Variants in TRPV3 observed in about 807,000 individuals in gnomAD.
The protein encoded by TRPV3 is transient receptor potential cation channel subfamily V member 3.
TRPV3 carries 88 observed loss-of-function variants against 87.1 expected under a neutral mutation model. The observed-to-expected ratio is 1.01, with a 90% CI of 0.85 to 1.21. The LOEUF is 1.21. Ranked by LOEUF, TRPV3 falls within the 50% of genes most tolerant of loss-of-function variation. TRPV3 has a pLI of 0.00. For synonymous variants in TRPV3, 438 were observed against 423.3 expected, an observed-to-expected ratio of 1.03 and a Z score of -0.43; for missense variants, 1,054 against 1,030.1, an observed-to-expected ratio of 1.02 and a Z score of -0.32.
intron 17 of TRPV3, 180 bp from the exon 18 acceptor site, chr17:3,514,191 G>A: frequency 3.7e-6 from 2 of 544,582 alleles, no homozygotes; most frequent in Non-Finnish European, 6.4e-6. Flanking sequence ...CAATTCTCCT[G>A]ACTCAGCCTC....
chr17:3,518,950 C>T lies in TRPV3; in HGVS notation c.1811-100G>A. ...TACATGACAAGCCTGCTGCCTCCTT[C>T]TCTCTGGCCATTAAATCCCATCTCC... On this transcript the variant is annotated intron_variant, in intron 14 of 17. Coordinates refer to ENST00000576742, the MANE Select transcript of TRPV3 (RefSeq NM_145068.4). This position sits in a 1 kb window ranked among gnomAD's most constrained non-coding sequence, Gnocchi z 4.3. 7.7e-7 allele frequency: 1 copy of T among 1,305,560 alleles called. No individual in the cohort carries two copies. Among genetic ancestry groups the T allele is most frequent in the South Asian group, 1.5e-5 (1 of 66,962 alleles). The allele number at this position is 1,305,560 out of a possible 1,614,324, so 80.9% of individuals were successfully genotyped here. A position where few individuals can be genotyped will look rare whatever the true frequency, so the allele number is the denominator to read the frequency against.
chr17:3,522,230 G>A lies in TRPV3; in HGVS notation c.1744-1191C>T, dbSNP rs140895134. Among the ~76,000 whole-genome samples, 326 of 152,224 alleles carry A rather than the reference G, an allele frequency of 2.1e-3. 1 individual carries two copies. The highest frequency in any genetic ancestry group is 0.014 in the Middle Eastern group (4 of 294). Reference sequence around the variant, plus strand: ...AGCCATATGGCAGGAATTCTAGAGCGATGTGGATCTGCATGTTTCTCCCTA... The same window carrying A: ...AGCCATATGGCAGGAATTCTAGAGCAATGTGGATCTGCATGTTTCTCCCTA... On this transcript the variant is annotated intron_variant, in intron 13 of 17. Transcript: ENST00000576742.
Position 3,543,502 on chromosome 17 carries a change from G to A in TRPV3, c.438C>T (p.Cys146=), listed in dbSNP as rs2074488849. 2.5e-6 allele frequency: 4 copies of A among 1,613,564 alleles called. No homozygotes were observed. Among genetic ancestry groups the A allele is most frequent in the Non-Finnish European group, 3.4e-6 (4 of 1,180,016 alleles). Residue 146 remains cysteine, a synonymous_variant, in exon 5 of 18, where the codon TGC becomes TGT. Transcript: ENST00000576742. ...VELLVELQEL[C]RRRHDEDVPD... ...GCACATCCTCATCATGGCGCCGCCTGCAAAGCTCCTGCAGCTCCACCAGCA... is the reference window on the plus strand; with the variant it reads ...GCACATCCTCATCATGGCGCCGCCTACAAAGCTCCTGCAGCTCCACCAGCA...
rs1350167104 is a variant in TRPV3 at position 3,544,574 on chromosome 17, C to T, written c.311+5G>A. The T allele has an allele frequency of 1.3e-6, 2 of 1,596,116 alleles. No homozygotes were observed. Among genetic ancestry groups the T allele is most frequent in the East Asian group, 2.3e-5 (1 of 43,882 alleles). On this transcript the variant is annotated splice_donor_5th_base_variant and intron_variant, in intron 4 of 17. Transcript: ENST00000576742. Reference sequence around the variant, plus strand: ...CAGTGGGTGGAGGGGGAGGGGCAGACTTACCTGGGGCTGTTGGGATTGGAT... The same window carrying T: ...CAGTGGGTGGAGGGGGAGGGGCAGATTTACCTGGGGCTGTTGGGATTGGAT...
chr17:3,511,908 C>CT lies in TRPV3; in HGVS notation c.*2008dup, dbSNP rs550822015. 132 of 152,290 alleles carry CT rather than the reference C, an allele frequency of 8.7e-4. 1 individual carries two copies. The highest frequency in any genetic ancestry group is 3.1e-3 in the African/African-American group (129 of 41,562). 9.4% of individuals were successfully genotyped at this position (152,290 alleles called of 1,614,324 possible). A position where few individuals can be genotyped will look rare whatever the true frequency, so the allele number is the denominator to read the frequency against. On this transcript the variant is annotated 3_prime_UTR_variant, in exon 18 of 18. Coordinates refer to ENST00000576742, the MANE Select transcript of TRPV3 (RefSeq NM_145068.4). ...GAATTCCCAGCTCCATAGTGTGGAG[C>CT]TTGGCATCATGAATCCAAACCACTT...
chr17:3,557,384 C>T lies in TRPV3; in HGVS notation c.-3+292G>A, dbSNP rs139489742. On this transcript the variant is annotated intron_variant, in intron 1 of 17. Coordinates refer to ENST00000576742, the MANE Select transcript of TRPV3 (RefSeq NM_145068.4). This position sits in a 1 kb window ranked among gnomAD's most constrained non-coding sequence, Gnocchi z 4.5. ...GGAGGCAGGAGCCTCTCCTCTGCCCCCAGCAGTGGTGAGATTGAGATGTCC... is the reference window on the plus strand; with the variant it reads ...GGAGGCAGGAGCCTCTCCTCTGCCCTCAGCAGTGGTGAGATTGAGATGTCC... 0.022 allele frequency among the ~76,000 whole-genome samples: 3,293 copies of T among 152,288 alleles called. 52 individuals carry two copies. Among genetic ancestry groups the T allele is most frequent in the Non-Finnish European group, 0.033 (2,219 of 68,022 alleles).
In TRPV3 at chr17:3,540,285, T is replaced by C. The variant is rs12601450; in HGVS notation, c.643+2237A>G. 3.8e-3 allele frequency among the ~76,000 whole-genome samples: 576 copies of C among 151,824 alleles called. 22 individuals are homozygous for C. The East Asian group carries it at 0.085, about 22-fold the overall frequency. ...GGTCCTGGAGCCCCTCTGCTCCGGG[T>C]GGAGGAAATGCTAAGAGGAAGGAAG... On this transcript the variant is annotated intron_variant, in intron 6 of 17. Transcript: ENST00000576742.
At position 3,540,264 on chromosome 17, in the gene TRPV3, C is replaced by G. The variant is rs144600273; in HGVS notation, c.643+2258G>C. Among the ~76,000 whole-genome samples, 10 of 152,168 alleles carry G rather than the reference C, an allele frequency of 6.6e-5. No individual in the cohort carries two copies. The East Asian group carries it at 1.9e-3, about 29-fold the overall frequency. ...GTGGAAGAATGCTACTCTGCTGGTC[C>G]TGGAGCCCCTCTGCTCCGGGTGGAG... On this transcript the variant is annotated intron_variant, in intron 6 of 17. Coordinates refer to ENST00000576742, the MANE Select transcript of TRPV3 (RefSeq NM_145068.4).
intron 6 of TRPV3, among the ~76,000 whole-genome samples, chr17:3,542,177 G>T (rs935729793): frequency 6.6e-6 from 1 of 151,944 alleles, no homozygotes; most frequent in African/African-American, 2.4e-5. Flanking sequence ...GGCTGGTCTT[G>T]AACTCCGGAC....
At position 3,544,613 on chromosome 17, in the gene TRPV3, C is replaced by T; in HGVS notation, c.277G>A (p.Val93Met). ...MDSPQSPQDD[V>M]TETPSNPNSP... ...TTGGGATTGGATGGGGTCTCTGTCA[C>T]ATCATCCTGAGGAGACTGGGGGGAG... Residue 93 changes from valine (V) to methionine (M), a missense_variant, in exon 4 of 18, where the codon GTG becomes ATG. Val to Met is a conservative substitution (Grantham distance 21). Coordinates refer to ENST00000576742, the MANE Select transcript of TRPV3 (RefSeq NM_145068.4). 6.2e-7 allele frequency: 1 copy of T among 1,608,690 alleles called. No homozygotes were observed. The highest frequency in any genetic ancestry group is 8.5e-7 in the Non-Finnish European group (1 of 1,178,800).
At chr17:3,536,000 A>T (rs1400035442) in intron 6 of TRPV3, among the ~76,000 whole-genome samples, 2 of 152,214 alleles carry the variant, frequency 1.3e-5, no homozygotes, top group Non-Finnish European at 2.9e-5. Context: ...CCGCAGTGTC[A>T]CTGAGAACGA....
chr17:3,513,212 T>C lies in TRPV3; in HGVS notation c.*705A>G, dbSNP rs1440577234. 1.3e-5 allele frequency: 2 copies of C among 152,686 alleles called. No individual in the cohort carries two copies. The highest frequency in any genetic ancestry group is 4.8e-5 in the African/African-American group (2 of 41,460). The allele number at this position is 152,686 out of a possible 1,614,324, so 9.5% of individuals were successfully genotyped here. On this transcript the variant is annotated 3_prime_UTR_variant, in exon 18 of 18. Coordinates refer to ENST00000576742, the MANE Select transcript of TRPV3 (RefSeq NM_145068.4). Reference sequence around the variant, plus strand: ...AACTTCATTGTAGTAATTTTCATTCTCAACTGAAATGTCTTTTCCGTATTG... The same window carrying C: ...AACTTCATTGTAGTAATTTTCATTCCCAACTGAAATGTCTTTTCCGTATTG...
chr17:3,526,700 A>T (rs2074303023), intron 12 of TRPV3, among the ~76,000 whole-genome samples, 154 bp downstream of exon 12: 1 of 152,132 alleles, frequency 6.6e-6, no homozygotes, highest in Non-Finnish European at 1.5e-5. Flanking sequence ...TCCTACTAGG[A>T]GGAAGAGAGG....
Position 3,543,064 on chromosome 17 carries a change from C to T in TRPV3, c.467-366G>A, listed in dbSNP as rs913945459. 5.9e-5 allele frequency among the ~76,000 whole-genome samples: 9 copies of T among 151,952 alleles called. No individual in the cohort carries two copies. In the East Asian group the frequency reaches 7.7e-4, roughly 13 times the overall value. On this transcript the variant is annotated intron_variant, in intron 5 of 17. Coordinates refer to ENST00000576742, the MANE Select transcript of TRPV3 (RefSeq NM_145068.4). ...ATCAACCTGATACTGCACTGGTCCC[C>T]GAGACACCCAGGGCTCCACCAGCCA...
At chr17:3,537,384 A>G (rs1487043916) in intron 6 of TRPV3, among the ~76,000 whole-genome samples, 2 of 152,062 alleles carry the variant, frequency 1.3e-5, no homozygotes, top group African/African-American at 4.8e-5. Flanking sequence ...TTCTGTGTAC[A>G]TATATACACA....
chr17:3,514,489 C>T, intron 17 of TRPV3, 104 bp downstream of exon 17: 1 of 791,922 alleles, frequency 1.3e-6, no homozygotes. Context: ...ATTCAACCCT[C>T]CCATTTGACA....
At chr17:3,543,893 T>C (rs1040753131) in intron 4 of TRPV3, among the ~76,000 whole-genome samples, 2 of 152,242 alleles carry the variant, frequency 1.3e-5, no homozygotes, top group Non-Finnish European at 2.9e-5. Context: ...AGACATTACC[T>C]TGAAAATATA....
chr17:3,549,250 C>T (rs1291528913), intron 2 of TRPV3, among the ~76,000 whole-genome samples: 1 of 152,180 alleles, frequency 6.6e-6, no homozygotes, highest in South Asian at 2.1e-4. Flanking sequence ...ATTTACTCAA[C>T]AAATATTTAT....
chr17:3,525,109 TC>T (rs1457583550), intron 12 of TRPV3, among the ~76,000 whole-genome samples: 1 of 152,182 alleles, frequency 6.6e-6, no homozygotes, highest in East Asian at 1.9e-4. Context: ...AACCTCCGCC[TC>T]CCAGGCTCAA....
Sources: allele counts gnomAD v4.1 joint callset (sites outside exome capture counted in the v4.1 genomes callset), GRCh38; gene constraint gnomAD v4.1.1; non-coding constraint Gnocchi (gnomAD v3.1); transcripts MANE v1.5; gene names NCBI Gene and HGNC (gene_info 2026-07-23, HGNC 2026-07-21).